The following RASSF5 variants were observed in gnomAD, a reference collection of about 807,000 sequenced individuals.
RASSF5 encodes Ras association domain family member 5, also known as ras association domain-containing protein 5.
A neutral mutation model predicts 40.5 loss-of-function variants in RASSF5; 25 were observed. The observed-to-expected ratio is 0.62, with a 90% CI of 0.45 to 0.86. The LOEUF (loss-of-function observed/expected upper bound fraction) is 0.86. RASSF5 is among the 40% of genes least tolerant of loss of function. RASSF5 has a pLI of 0.00. For missense variants in RASSF5, 521 were observed against 572.8 expected, an observed-to-expected ratio of 0.91 and a Z score of 0.92; for synonymous variants, 246 against 252.4, an observed-to-expected ratio of 0.97 and a Z score of 0.24.
chr1:206,586,754 T>C, intron 5 of RASSF5, 72 bp from the exon 6 acceptor site: 2 of 1,185,154 alleles, frequency 1.7e-6, no homozygotes, highest in Admixed American at 3.7e-5. Context: ...CAGCAGGGTC[T>C]CTCAGGTCGT....
chr1:206,583,201 G>A, intron 2 of RASSF5, 68 bp from the exon 3 acceptor site: 2 of 1,003,150 alleles, frequency 2.0e-6, no homozygotes, highest in East Asian at 2.4e-5. Context: ...TTTGGGGAGG[G>A]CGTGGTTGTT....
chr1:206,582,671 T>C (rs1558523184), intron 2 of RASSF5, among the ~76,000 whole-genome samples: 2 of 152,216 alleles, frequency 1.3e-5, no homozygotes, highest in Admixed American at 1.3e-4. Flanking sequence ...CAAATAGATA[T>C]TTACTTCTTG....
intron 2 of RASSF5, chr1:206,543,876 C>T (rs1572325907): frequency 2.0e-5 from 3 of 152,166 alleles, no homozygotes; most frequent in African/African-American, 7.2e-5. Flanking sequence ...GCTTCAGCCT[C>T]CTGAGTAGCT....
In RASSF5 at chr1:206,531,618, C is replaced by T. The variant is rs1224999051; in HGVS notation, c.458-6554C>T. ...CAGCCCAGAGGCTCCAGTGGGGCAA[C>T]ACCCAGTGGAAAAATGGGGGATTCT... On this transcript the variant is annotated intron_variant, in intron 1 of 5. Coordinates refer to ENST00000579436, the MANE Select transcript of RASSF5 (RefSeq NM_182663.4). This position sits in a 1 kb window ranked among gnomAD's most constrained non-coding sequence, Gnocchi z 4.7. 2.6e-5 allele frequency among the ~76,000 whole-genome samples: 4 copies of T among 152,076 alleles called. No homozygotes were observed. The highest frequency in any genetic ancestry group is 4.8e-5 in the African/African-American group (2 of 41,414).
chr1:206,511,723 G>A (rs574122154), intron 1 of RASSF5, among the ~76,000 whole-genome samples: 5 of 152,238 alleles, frequency 3.3e-5, no homozygotes, highest in African/African-American at 9.6e-5. Context: ...GAAGGGCACC[G>A]GGACTATTCT....
chr1:206,546,563 A>T (rs1352638995), intron 2 of RASSF5, among the ~76,000 whole-genome samples: 1 of 152,052 alleles, frequency 6.6e-6, no homozygotes, highest in African/African-American at 2.4e-5. Context: ...TTGTTATTTT[A>T]ATGGTTGTCT....
At chr1:206,532,606 G>A (rs984802596) in intron 1 of RASSF5, among the ~76,000 whole-genome samples, 1 of 152,222 alleles carries the variant, frequency 6.6e-6, no homozygotes, top group Admixed American at 6.5e-5. Context: ...ATGCGCATAC[G>A]TTCCCGGATT....
At position 206,540,028 on chromosome 1, in the gene RASSF5, A is replaced by T. The variant is rs115119376; in HGVS notation, c.579+1735A>T. On this transcript the variant is annotated intron_variant, in intron 2 of 5. Coordinates refer to ENST00000579436, the MANE Select transcript of RASSF5 (RefSeq NM_182663.4). ...TTCCTTTAGAGCAGCAGGTCTCAAA[A>T]GGCGGCAATTTTACTCACCCCCTAG... 2.0e-4 allele frequency among the ~76,000 whole-genome samples: 30 copies of T among 152,284 alleles called. 1 individual carries two copies. The highest frequency in any genetic ancestry group is 4.0e-4 in the Non-Finnish European group (27 of 68,030).
intron 1 of RASSF5, chr1:206,529,258 C>T (rs537113821): frequency 1.7e-5 from 19 of 1,146,092 alleles, no homozygotes; most frequent in Middle Eastern, 2.9e-4. Flanking sequence ...TTGGCCCAGG[C>T]TGAGAAGAGA....
chr1:206,553,046 C>CA (rs1281143179), intron 2 of RASSF5, among the ~76,000 whole-genome samples: 1 of 151,970 alleles, frequency 6.6e-6, no homozygotes. Flanking sequence ...TACTAAAATA[C>CA]AAAAAATTAG....
chr1:206,551,163 G>A (rs914969848), intron 2 of RASSF5, among the ~76,000 whole-genome samples: 1 of 152,172 alleles, frequency 6.6e-6, no homozygotes, highest in African/African-American at 2.4e-5. Context: ...AGATGTGAGG[G>A]TGGGGAGCAG....
intron 2 of RASSF5, among the ~76,000 whole-genome samples, chr1:206,566,414 A>G (rs1668290597): frequency 6.6e-6 from 1 of 152,144 alleles, no homozygotes; most frequent in Non-Finnish European, 1.5e-5. Context: ...CTTTGTTATC[A>G]TGATCATCTC....
chr1:206,538,992 TACAC>T (rs1553399036), intron 2 of RASSF5, among the ~76,000 whole-genome samples: 1 of 152,216 alleles, frequency 6.6e-6, no homozygotes, highest in Non-Finnish European at 1.5e-5. Context: ...ACAAATAGCA[TACAC>T]TGTGATGCAT....
chr1:206,518,237 C>T (rs1666810737), intron 1 of RASSF5, among the ~76,000 whole-genome samples: 1 of 152,074 alleles, frequency 6.6e-6, no homozygotes. Context: ...AGACAGAAGG[C>T]ATCGTCAGTC....
chr1:206,584,215 C>T lies in RASSF5; in HGVS notation c.691-172C>T, dbSNP rs782136116. Reference sequence around the variant, plus strand: ...CTGGATCCTGAGGGTCTTCTCCCAGCCCACTATGGGGAAAGGGATCTCTGC... The same window carrying T: ...CTGGATCCTGAGGGTCTTCTCCCAGTCCACTATGGGGAAAGGGATCTCTGC... On this transcript the variant is annotated intron_variant, in intron 3 of 5. Transcript: ENST00000579436. This position sits in a 1 kb window ranked among gnomAD's most constrained non-coding sequence, Gnocchi z 4.9. Among the ~76,000 whole-genome samples, 12 of 152,194 alleles carry T rather than the reference C, an allele frequency of 7.9e-5. No homozygotes were observed. Among genetic ancestry groups the T allele is most frequent in the Non-Finnish European group, 1.5e-4 (10 of 68,030 alleles).
chr1:206,508,139 A>C, intron 1 of RASSF5, 80 bp downstream of exon 1: 2 of 1,104,442 alleles, frequency 1.8e-6, no homozygotes, highest in Non-Finnish European at 2.4e-6. Flanking sequence ...TGGGGCAGGG[A>C]GAGAGGGGCC....
intron 1 of RASSF5, among the ~76,000 whole-genome samples, chr1:206,523,753 A>T (rs1389658907): frequency 1.0e-5 from 1 of 98,392 alleles, no homozygotes; most frequent in Non-Finnish European, 1.8e-5. Context: ...ATTTTATATA[A>T]TATACATAAT....
At chr1:206,522,144 A>T (rs139491737) in intron 1 of RASSF5, among the ~76,000 whole-genome samples, 3 of 151,742 alleles carry the variant, frequency 2.0e-5, no homozygotes, top group African/African-American at 7.3e-5. Flanking sequence ...CCTTTCATAC[A>T]CTTCTTCCTG....
In RASSF5 at chr1:206,560,443, G is replaced by A. The variant is rs10157325; in HGVS notation, c.579+22150G>A. On this transcript the variant is annotated intron_variant, in intron 2 of 5. Coordinates refer to ENST00000579436, the MANE Select transcript of RASSF5 (RefSeq NM_182663.4). The surrounding 1 kb of genome is among the most constrained non-coding windows in gnomAD (Gnocchi z 5.1). ...TCAGGAGACAGCAAGGGAGATGGGG[G>A]CACCAGGCCCTGGGCCCTAGCTTGG... 0.016 allele frequency among the ~76,000 whole-genome samples: 2,446 copies of A among 152,336 alleles called. 71 individuals carry two copies. Among genetic ancestry groups the A allele is most frequent in the African/African-American group, 0.056 (2,344 of 41,576 alleles).
Sources: allele counts gnomAD v4.1 joint callset (sites outside exome capture counted in the v4.1 genomes callset), GRCh38; gene constraint gnomAD v4.1.1; non-coding constraint Gnocchi (gnomAD v3.1); transcripts MANE v1.5; gene names NCBI Gene and HGNC (gene_info 2026-07-23, HGNC 2026-07-21).